Variants in LHPP observed in about 807,000 individuals in gnomAD.
The protein encoded by LHPP is phospholysine phosphohistidine inorganic pyrophosphate phosphatase.
In LHPP, 24 loss-of-function variants were observed where a neutral mutation model predicts 30.3. The ratio of observed to expected loss-of-function variants is 0.79; its 90% CI spans 0.57 to 1.11. The LOEUF is 1.11. Among genes scored for constraint, LHPP ranks in the 50% most tolerant of loss-of-function variants. LHPP has a pLI of 0.00. For missense variants in LHPP, 356 were observed against 367.2 expected (o/e 0.97, Z 0.25); for synonymous variants, 150 against 157.1 (o/e 0.95, Z 0.34).
intron 6 of LHPP, among the ~76,000 whole-genome samples, chr10:124,587,480 T>A (rs1269999599): frequency 6.6e-6 from 1 of 150,894 alleles, no homozygotes; most frequent in South Asian, 2.1e-4. Context: ...GTGGCTCACG[T>A]CTGTAATCCC....
intron 6 of LHPP, among the ~76,000 whole-genome samples, chr10:124,551,890 C>CG: frequency 6.6e-6 from 1 of 152,256 alleles, no homozygotes. Context: ...CGCAGGCCCC[C>CG]GGGTGGCAGC....
chr10:124,516,201 T>C (rs1954449550), intron 5 of LHPP, among the ~76,000 whole-genome samples: 1 of 152,232 alleles, frequency 6.6e-6, no homozygotes, highest in African/African-American at 2.4e-5. Flanking sequence ...GTCCGGTTTC[T>C]GGTGAGGGCT....
At chr10:124,603,642 G>A (rs940295609) in intron 6 of LHPP, among the ~76,000 whole-genome samples, 6 of 152,218 alleles carry the variant, frequency 3.9e-5, no homozygotes, top group African/African-American at 1.4e-4. Context: ...CAAGGGGAGG[G>A]CGGGTCTCCA....
intron 6 of LHPP, among the ~76,000 whole-genome samples, chr10:124,520,265 A>G (rs1261730050): frequency 1.3e-5 from 2 of 151,584 alleles, no homozygotes; most frequent in Non-Finnish European, 2.9e-5. Context: ...CCCATTAGTT[A>G]TTTTTCCTGA....
chr10:124,480,651 A>G (rs145600967), intron 1 of LHPP, among the ~76,000 whole-genome samples: 103 of 152,368 alleles, frequency 6.8e-4, no homozygotes, highest in African/African-American at 2.4e-3. Flanking sequence ...AGGTGACGCT[A>G]TTAGTTACAA....
At chr10:124,495,789 A>T (rs1953687785) in intron 3 of LHPP, among the ~76,000 whole-genome samples, 1 of 152,210 alleles carries the variant, frequency 6.6e-6, no homozygotes, top group Admixed American at 6.5e-5. Context: ...TCATCTGGGC[A>T]GCTTCTGCAT....
chr10:124,581,663 G>A (rs1173311581), intron 6 of LHPP, among the ~76,000 whole-genome samples: 1 of 152,142 alleles, frequency 6.6e-6, no homozygotes, highest in African/African-American at 2.4e-5. Context: ...GATGACTAGT[G>A]ATGTCAGGCA....
chr10:124,585,049 A>G (rs535970550), intron 6 of LHPP, among the ~76,000 whole-genome samples: 2 of 152,252 alleles, frequency 1.3e-5, no homozygotes, highest in Non-Finnish European at 2.9e-5. Flanking sequence ...TCCCCAAGAT[A>G]TCTCATGTAT....
intron 1 of LHPP, among the ~76,000 whole-genome samples, chr10:124,477,906 C>T (rs1401543556): frequency 3.9e-5 from 6 of 152,190 alleles, no homozygotes; most frequent in Middle Eastern, 6.3e-3. Context: ...CCTCTGTGGC[C>T]TCCGAGACCC....
intron 6 of LHPP, among the ~76,000 whole-genome samples, chr10:124,560,306 A>G (rs1182954017): frequency 2.0e-5 from 3 of 152,246 alleles, no homozygotes; most frequent in Non-Finnish European, 1.5e-5. Flanking sequence ...ATCAGTTAAC[A>G]TGTGGCATAT....
intron 6 of LHPP, among the ~76,000 whole-genome samples, chr10:124,565,772 C>T (rs975148894): frequency 3.3e-5 from 5 of 152,164 alleles, no homozygotes; most frequent in African/African-American, 9.6e-5. Context: ...CCGCTTTGGC[C>T]TTTCTCAAGG....
intron 5 of LHPP, among the ~76,000 whole-genome samples, chr10:124,515,158 C>G (rs1047510636): frequency 2.0e-5 from 3 of 152,182 alleles, no homozygotes; most frequent in Admixed American, 6.6e-5. Flanking sequence ...GAAGTTGTGC[C>G]ATAGCTCACT....
At chr10:124,494,469 C>T (rs547877681) in intron 3 of LHPP, among the ~76,000 whole-genome samples, 2 of 152,318 alleles carry the variant, frequency 1.3e-5, no homozygotes, top group East Asian at 3.9e-4. Context: ...ATTCTTTCCT[C>T]CGTCCTGGCT....
At position 124,517,189 on chromosome 10, in the gene LHPP, A is replaced by G. The variant is rs772722171; in HGVS notation, c.634A>G (p.Ile212Val). The change falls in exon 6 of 7, where the codon ATT becomes GTT. Residue 212 changes from isoleucine to valine, a missense_variant. Ile to Val is a conservative substitution (Grantham distance 29). Transcript: ENST00000368842. The surrounding 1 kb of genome is among the most constrained non-coding windows in gnomAD (Gnocchi z 4.1). Reference sequence around the variant, plus strand: ...TTCACTGCCGTGACAGGCCGTCATGATTGGGGACGATATCGTGGGCGACGT... The same window carrying G: ...TTCACTGCCGTGACAGGCCGTCATGGTTGGGGACGATATCGTGGGCGACGT... The part of the protein sequence containing the change: ...IGVEAHQAVM[I>V]GDDIVGDVGG... 1.7e-5 allele frequency: 27 copies of G among 1,605,044 alleles called. No individual in the cohort carries two copies. Among genetic ancestry groups the G allele is most frequent in the Non-Finnish European group, 2.0e-5 (24 of 1,176,000 alleles).
At chr10:124,532,832 C>T (rs1452546425) in intron 6 of LHPP, among the ~76,000 whole-genome samples, 1 of 152,110 alleles carries the variant, frequency 6.6e-6, no homozygotes, top group Non-Finnish European at 1.5e-5. Context: ...TCCCTATGGC[C>T]CCTATGGAAG....
In LHPP at chr10:124,471,903, G is replaced by T. The variant is rs1208489057; in HGVS notation, c.125+9916G>T. Among the ~76,000 whole-genome samples the T allele has an allele frequency of 2.0e-5, 3 of 150,122 alleles. No homozygotes were observed. In the East Asian group the frequency reaches 6.0e-4, roughly 30 times the overall value. On this transcript the variant is annotated intron_variant, in intron 1 of 6. Transcript: ENST00000368842. ...CCTGCCTCAGCCTACCCAGTAGCTG[G>T]GATTATAGGTGTGTGCCACCGTGTC...
At chr10:124,565,760 G>C (rs74844706) in intron 6 of LHPP, among the ~76,000 whole-genome samples, 2,575 of 152,334 alleles carry the variant, frequency 0.017, 62 homozygotes, top group African/African-American at 0.057. Context: ...GGGACCTGGA[G>C]ACCGCTTTGG....
intron 6 of LHPP, among the ~76,000 whole-genome samples, chr10:124,573,884 C>T (rs10901766): frequency 0.2 from 29,973 of 152,090 alleles, 3,270 homozygotes; most frequent in East Asian, 0.38. Flanking sequence ...CCACACTTGA[C>T]ACCCAAACGC....
At chr10:124,501,353 G>C (rs1014700671) in intron 5 of LHPP, among the ~76,000 whole-genome samples, 4 of 151,784 alleles carry the variant, frequency 2.6e-5, no homozygotes, top group Non-Finnish European at 4.4e-5. Flanking sequence ...TGTAACCACA[G>C]CACTTTGGGA....
Sources: allele counts gnomAD v4.1 joint callset (sites outside exome capture counted in the v4.1 genomes callset), GRCh38; gene constraint gnomAD v4.1.1; non-coding constraint Gnocchi (gnomAD v3.1); transcripts MANE v1.5; gene names NCBI Gene and HGNC (gene_info 2026-07-23, HGNC 2026-07-21).